ENTREP2: variants seen among roughly 807,000 people sequenced by gnomAD.
ENTREP2 encodes protein ENTREP2.
the ENTREP2 span, among the ~76,000 whole-genome samples, chr15:29,663,936 G>A: frequency 6.6e-6 from 1 of 151,744 alleles, no homozygotes. Context: ...GCTGAGGCAG[G>A]AGAATCACTT....
At chr15:29,499,588 C>G in the ENTREP2 span, among the ~76,000 whole-genome samples, 1 of 151,342 alleles carries the variant, frequency 6.6e-6, no homozygotes, top group African/African-American at 2.4e-5. Flanking sequence ...GTTGCCCAGG[C>G]TGATGTCAAA....
the ENTREP2 span, among the ~76,000 whole-genome samples, chr15:29,317,495 T>C: frequency 6.6e-6 from 1 of 152,210 alleles, no homozygotes; most frequent in East Asian, 1.9e-4. Flanking sequence ...TAGATCTTTA[T>C]ACTCTCGAGA....
At chr15:29,257,417 GTTA>G in the ENTREP2 span, among the ~76,000 whole-genome samples, 1 of 152,256 alleles carries the variant, frequency 6.6e-6, no homozygotes, top group African/African-American at 2.4e-5. Flanking sequence ...GAACATTTGG[GTTA>G]TTTTTAGTCC....
At chr15:29,225,887 A>G in the ENTREP2 span, among the ~76,000 whole-genome samples, 1 of 152,138 alleles carries the variant, frequency 6.6e-6, no homozygotes, top group African/African-American at 2.4e-5. Context: ...GGTATTGGCC[A>G]CGTCCACCAC....
chr15:29,273,487 C>T, the ENTREP2 span, among the ~76,000 whole-genome samples: 2 of 152,192 alleles, frequency 1.3e-5, no homozygotes, highest in South Asian at 2.1e-4. Flanking sequence ...TGTGAGCCAC[C>T]GCTCCTGGCG....
At chr15:29,372,014 T>A in the ENTREP2 span, among the ~76,000 whole-genome samples, 2 of 152,306 alleles carry the variant, frequency 1.3e-5, no homozygotes, top group African/African-American at 4.8e-5. Flanking sequence ...AACTATCCAA[T>A]AGACGAATAA....
chr15:29,620,559 G>T, the ENTREP2 span, among the ~76,000 whole-genome samples: 1 of 151,962 alleles, frequency 6.6e-6, no homozygotes, highest in Non-Finnish European at 1.5e-5. Context: ...GATCATTTGA[G>T]CTCAGGAGTT....
the ENTREP2 span, among the ~76,000 whole-genome samples, chr15:29,203,147 A>C: frequency 6.6e-6 from 1 of 152,222 alleles, no homozygotes; most frequent in Non-Finnish European, 1.5e-5. Context: ...TCACGCCTAT[A>C]ATCCCGGTAC....
At chr15:29,595,069 A>C in the ENTREP2 span, among the ~76,000 whole-genome samples, 2 of 33,924 alleles carry the variant, frequency 5.9e-5, no homozygotes, top group East Asian at 7.5e-4. Flanking sequence ...CTCCGTCTCA[A>C]AAAAAAAAAA....
chr15:29,624,871 T>TGTGTGTG, the ENTREP2 span, among the ~76,000 whole-genome samples: 2 of 143,718 alleles, frequency 1.4e-5, no homozygotes, highest in Admixed American at 7.0e-5. Context: ...CTGCATTAAT[T>TGTGTGTG]TGTGTGTGTG....
At chr15:29,303,816 G>A in the ENTREP2 span, among the ~76,000 whole-genome samples, 4 of 152,124 alleles carry the variant, frequency 2.6e-5, no homozygotes, top group Non-Finnish European at 5.9e-5. Context: ...TGCTGCAAAG[G>A]ACATGATCTC....
At chr15:29,619,729 G>T in the ENTREP2 span, among the ~76,000 whole-genome samples, 2 of 152,028 alleles carry the variant, frequency 1.3e-5, 1 homozygote, top group African/African-American at 4.8e-5. Flanking sequence ...GCAGGTGCAG[G>T]GTAGAGGCTA....
At chr15:29,358,811 G>A in the ENTREP2 span, among the ~76,000 whole-genome samples, 1 of 151,932 alleles carries the variant, frequency 6.6e-6, no homozygotes, top group African/African-American at 2.4e-5. Flanking sequence ...TAAAAAGAGT[G>A]ACTGAAACAA....
At chr15:29,294,910 G>A in the ENTREP2 span, among the ~76,000 whole-genome samples, 167 of 152,306 alleles carry the variant, frequency 1.1e-3, no homozygotes, top group African/African-American at 3.9e-3. Context: ...ACCCTGTGGG[G>A]AGCCTTCTTC....
At chr15:29,225,420 C>T in the ENTREP2 span, among the ~76,000 whole-genome samples, 2 of 152,232 alleles carry the variant, frequency 1.3e-5, no homozygotes, top group Non-Finnish European at 2.9e-5. Flanking sequence ...GTCCATATAG[C>T]TGTGACAGAT....
the ENTREP2 span, among the ~76,000 whole-genome samples, chr15:29,175,797 G>C: frequency 6.6e-6 from 1 of 152,158 alleles, no homozygotes; most frequent in Non-Finnish European, 1.5e-5. Context: ...TAGTAGAGAC[G>C]GGGTTTCACC....
At chr15:29,357,438 G>A in the ENTREP2 span, among the ~76,000 whole-genome samples, 1 of 151,984 alleles carries the variant, frequency 6.6e-6, no homozygotes, top group Non-Finnish European at 1.5e-5. Flanking sequence ...AGCACCAGAA[G>A]ATATAGTATA....
chr15:29,357,707 C>T, the ENTREP2 span, among the ~76,000 whole-genome samples: 16 of 152,146 alleles, frequency 1.1e-4, no homozygotes, highest in South Asian at 2.5e-3. Context: ...GGCGTGGTGG[C>T]GGGCGCCTGT....
At chr15:29,240,854 C>A in the ENTREP2 span, among the ~76,000 whole-genome samples, 1 of 152,160 alleles carries the variant, frequency 6.6e-6, no homozygotes, top group Non-Finnish European at 1.5e-5. Flanking sequence ...TGTGCTCAAG[C>A]AGTGCCCTGC....
Sources: allele counts gnomAD v4.1 joint callset (sites outside exome capture counted in the v4.1 genomes callset), GRCh38; gene constraint gnomAD v4.1.1; transcripts MANE v1.5; gene names NCBI Gene and HGNC (gene_info 2026-07-23, HGNC 2026-07-21).